Variants in ANOS1 observed in about 807,000 individuals in gnomAD.
The protein encoded by ANOS1 is anosmin-1.
In ANOS1, 6 loss-of-function variants were observed where a neutral mutation model predicts 59.0. The ratio of observed to expected loss-of-function variants is 0.10; its 90% CI spans 0.06 to 0.20. ANOS1 has a LOEUF of 0.20. Among genes scored for constraint, ANOS1 ranks in the 10% least tolerant of loss-of-function variants. The pLI, the probability that ANOS1 is intolerant of heterozygous loss-of-function variation, is 1.00. For missense variants in ANOS1, 433 were observed against 542.3 expected (o/e 0.80, Z 2.00); for synonymous variants, 217 against 223.4 (o/e 0.97, Z 0.25).
chrX:8,691,492 C>T (rs1932606538), intron 2 of ANOS1, among the ~76,000 whole-genome samples: 1 of 109,697 alleles, frequency 9.1e-6, no homozygotes, highest in Non-Finnish European at 1.9e-5. Context: ...AAATGATAGA[C>T]AGATTAAGAT....
chrX:8,716,259 T>C (rs1438362298), intron 1 of ANOS1, among the ~76,000 whole-genome samples: 2 of 112,230 alleles, frequency 1.8e-5, no homozygotes, highest in East Asian at 2.8e-4. Flanking sequence ...CATCTACTTA[T>C]ATGATCATGC....
At chrX:8,695,712 A>C (rs977065720) in intron 2 of ANOS1, among the ~76,000 whole-genome samples, 3 of 110,298 alleles carry the variant, frequency 2.7e-5, no homozygotes, top group Non-Finnish European at 5.7e-5. Flanking sequence ...AAAAAAAAAA[A>C]AAAAAAACCT....
At chrX:8,624,676 G>A (rs748264790) in intron 2 of ANOS1, among the ~76,000 whole-genome samples, 7 of 111,099 alleles carry the variant, frequency 6.3e-5, no homozygotes, top group Admixed American at 9.6e-5. Flanking sequence ...AAAGACACTA[G>A]CCAGACTCCA....
At chrX:8,628,155 G>A (rs773955305) in intron 2 of ANOS1, among the ~76,000 whole-genome samples, 1 of 111,315 alleles carries the variant, frequency 9.0e-6, no homozygotes, top group Non-Finnish European at 1.9e-5. Flanking sequence ...CTAATTATAA[G>A]GCATTAGCAT....
chrX:8,548,441 C>T (rs1451817631), intron 9 of ANOS1, among the ~76,000 whole-genome samples: 2 of 112,147 alleles, frequency 1.8e-5, no homozygotes, highest in Non-Finnish European at 3.8e-5. Context: ...TTTTGCCATT[C>T]TTTTGAAGGG....
chrX:8,665,392 C>T (rs182602474), intron 2 of ANOS1, among the ~76,000 whole-genome samples: 1 of 112,432 alleles, frequency 8.9e-6, no homozygotes, highest in African/African-American at 3.2e-5. Flanking sequence ...TGAGATATTG[C>T]ACTCCCTAAC....
chrX:8,608,742 C>T (rs1930988694), intron 3 of ANOS1, among the ~76,000 whole-genome samples: 1 of 111,292 alleles, frequency 9.0e-6, no homozygotes, highest in African/African-American at 3.3e-5. Flanking sequence ...GCAGTTTCCC[C>T]CATGCTGTTC....
chrX:8,652,980 C>T (rs888551465), intron 2 of ANOS1, among the ~76,000 whole-genome samples: 6 of 110,691 alleles, frequency 5.4e-5, no homozygotes, highest in East Asian at 2.8e-4. Flanking sequence ...CTCAGCCTCC[C>T]GAGTAGCTGA....
chrX:8,604,348 C>T (rs1319593213), intron 3 of ANOS1, among the ~76,000 whole-genome samples: 1 of 111,419 alleles, frequency 9.0e-6, no homozygotes, highest in East Asian at 2.8e-4. Flanking sequence ...TGGAAAGAAC[C>T]GCAGATGGTC....
chrX:8,662,366 G>C (rs1272810473), intron 2 of ANOS1, among the ~76,000 whole-genome samples: 1 of 111,658 alleles, frequency 9.0e-6, no homozygotes, highest in African/African-American at 3.3e-5. Context: ...ATTTTTCACC[G>C]GGTTCTGCGT....
In ANOS1 at chrX:8,551,427, C is replaced by G. The variant is rs746051507; in HGVS notation, c.1354+2525G>C. On this transcript the variant is annotated intron_variant, in intron 9 of 13. Coordinates refer to ENST00000262648, the MANE Select transcript of ANOS1 (RefSeq NM_000216.4). Reference sequence around the variant, plus strand: ...CTGAGGCAGGGAGATCACCTGAGGTCAGGAGTTCAAGACCAGCCTGGTCAA... The same window carrying G: ...CTGAGGCAGGGAGATCACCTGAGGTGAGGAGTTCAAGACCAGCCTGGTCAA... 1.6e-4 allele frequency among the ~76,000 whole-genome samples: 18 copies of G among 111,553 alleles called. 1 individual carries two copies. The East Asian group carries it at 2.3e-3, about 14-fold the overall frequency.
chrX:8,545,937 T>C (rs114253135), intron 9 of ANOS1, among the ~76,000 whole-genome samples: 253 of 112,613 alleles, frequency 2.2e-3, no homozygotes, highest in African/African-American at 7.5e-3. Flanking sequence ...GGAAATAAAT[T>C]ATCATTCAAA....
At chrX:8,620,794 C>T (rs977161259) in intron 3 of ANOS1, among the ~76,000 whole-genome samples, 3 of 111,982 alleles carry the variant, frequency 2.7e-5, no homozygotes, top group South Asian at 7.4e-4. Flanking sequence ...TTTTCCCCAC[C>T]TTTCAAGTTT....
intron 4 of ANOS1, among the ~76,000 whole-genome samples, chrX:8,594,710 A>AT (rs1930697262): frequency 4.3e-5 from 3 of 69,839 alleles, no homozygotes; most frequent in South Asian, 1.3e-3. Context: ...ACATATATAT[A>AT]CACATATATA....
intron 1 of ANOS1, among the ~76,000 whole-genome samples, chrX:8,726,845 C>T (rs1166042248): frequency 1.8e-5 from 2 of 112,040 alleles, no homozygotes; most frequent in East Asian, 2.8e-4. Context: ...GCACCACCTC[C>T]CTCCTTTCCT....
chrX:8,652,743 A>C (rs1931868758), intron 2 of ANOS1, among the ~76,000 whole-genome samples: 1 of 112,011 alleles, frequency 8.9e-6, no homozygotes, highest in African/African-American at 3.2e-5. Context: ...ACCAAAGCAA[A>C]GTCAGTATCA....
intron 1 of ANOS1, among the ~76,000 whole-genome samples, chrX:8,724,052 A>T (rs1932893933): frequency 8.9e-6 from 1 of 112,816 alleles, no homozygotes; most frequent in Non-Finnish European, 1.9e-5. Flanking sequence ...CAAGTAACAG[A>T]AAATCTTCTG....
chrX:8,637,592 C>G (rs1931592468), intron 2 of ANOS1, among the ~76,000 whole-genome samples: 1 of 112,075 alleles, frequency 8.9e-6, no homozygotes, highest in Non-Finnish European at 1.9e-5. Context: ...CTACTGAGCA[C>G]TTGAAATGTG....
intron 3 of ANOS1, among the ~76,000 whole-genome samples, chrX:8,619,476 T>C (rs1266892194): frequency 2.7e-5 from 3 of 110,928 alleles, no homozygotes; most frequent in South Asian, 3.8e-4. Context: ...TGGTGATGCA[T>C]GCTTGTAGTC....
Sources: allele counts gnomAD v4.1 joint callset (sites outside exome capture counted in the v4.1 genomes callset), GRCh38; gene constraint gnomAD v4.1.1; transcripts MANE v1.5; gene names NCBI Gene and HGNC (gene_info 2026-07-23, HGNC 2026-07-21).